Variants in ITGB3BP observed in about 807,000 individuals in gnomAD.
The protein encoded by ITGB3BP is centromere protein R.
A neutral mutation model predicts 29.1 loss-of-function variants in ITGB3BP; 27 were observed. That is an observed-to-expected ratio of 0.93 (90% CI 0.68 to 1.28). The LOEUF (loss-of-function observed/expected upper bound fraction) is 1.28, where lower values mean the gene tolerates loss of function less well. ITGB3BP is among the 50% of genes most tolerant of loss of function. ITGB3BP has a pLI of 0.00. For missense variants in ITGB3BP, 192 were observed against 200.2 expected (o/e 0.96, Z 0.25); for synonymous variants, 61 against 61.4 (o/e 0.99, Z 0.03).
At chr1:63,465,140 C>A (rs72918611) in intron 4 of ITGB3BP, among the ~76,000 whole-genome samples, 2 of 152,056 alleles carry the variant, frequency 1.3e-5, no homozygotes, top group African/African-American at 2.4e-5. Context: ...GAAATACACA[C>A]TGAAGGATTT....
intron 4 of ITGB3BP, among the ~76,000 whole-genome samples, chr1:63,472,317 G>A (rs541245888): frequency 2.2e-4 from 33 of 151,436 alleles, no homozygotes; most frequent in Non-Finnish European, 4.0e-4. Flanking sequence ...TCTAGAAGCA[G>A]ATGCCTTGCT....
At chr1:63,490,323 C>T in intron 2 of ITGB3BP, 105 bp from the exon 3 acceptor site, 1 of 733,658 alleles carries the variant, frequency 1.4e-6, no homozygotes, top group East Asian at 2.7e-5. Flanking sequence ...TGTTTCCTTG[C>T]TCTTGCTTTT....
chr1:63,501,653 G>A (rs1244548946), intron 2 of ITGB3BP, among the ~76,000 whole-genome samples: 2 of 151,850 alleles, frequency 1.3e-5, no homozygotes, highest in Non-Finnish European at 2.9e-5. Context: ...GCTTGAGCTC[G>A]GGAGTTTGAG....
At chr1:63,520,560 A>T (rs545118632) in intron 1 of ITGB3BP, among the ~76,000 whole-genome samples, 14 of 152,314 alleles carry the variant, frequency 9.2e-5, no homozygotes, top group African/African-American at 3.4e-4. Context: ...AGGACTTAAG[A>T]TAGGTAATCT....
chr1:63,525,916 G>C (rs1428653093), upstream of ITGB3BP, among the ~76,000 whole-genome samples: 1 of 152,082 alleles, frequency 6.6e-6, no homozygotes, highest in East Asian at 1.9e-4. Flanking sequence ...ATATCATATA[G>C]TTACATATTC....
chr1:63,492,300 A>C (rs1645669908), intron 2 of ITGB3BP, among the ~76,000 whole-genome samples: 1 of 151,986 alleles, frequency 6.6e-6, no homozygotes, highest in Admixed American at 6.6e-5. Flanking sequence ...TTAAAAAGAA[A>C]AATGTCTATC....
intron 2 of ITGB3BP, among the ~76,000 whole-genome samples, chr1:63,507,417 C>T (rs778144850): frequency 2.2e-4 from 34 of 152,078 alleles, no homozygotes; most frequent in Non-Finnish European, 4.0e-4. Flanking sequence ...ATGAAGAGAA[C>T]GGGTTCTGAA....
At chr1:63,502,098 T>C (rs1399527610) in intron 2 of ITGB3BP, among the ~76,000 whole-genome samples, 1 of 152,156 alleles carries the variant, frequency 6.6e-6, no homozygotes, top group Non-Finnish European at 1.5e-5. Context: ...TATGGCCAGG[T>C]AGCCAGTTGT....
intron 2 of ITGB3BP, among the ~76,000 whole-genome samples, chr1:63,498,656 G>C (rs1180888524): frequency 1.5e-5 from 2 of 137,484 alleles, no homozygotes; most frequent in African/African-American, 5.4e-5. Context: ...ACCAGAAAAA[G>C]AAAAGCAAAC....
At chr1:63,441,850 T>C (rs3009575) in intron 8 of ITGB3BP, among the ~76,000 whole-genome samples, 92,030 of 151,940 alleles carry the variant, frequency 0.61, 29,632 homozygotes, top group African/African-American at 0.82. Context: ...AGCCTTAGAA[T>C]CCTTCTGTGA....
chr1:63,518,258 T>A (rs1029347392), intron 1 of ITGB3BP, among the ~76,000 whole-genome samples: 4 of 152,336 alleles, frequency 2.6e-5, no homozygotes, highest in Non-Finnish European at 5.9e-5. Context: ...TGAAATCGTC[T>A]GGGTCTTTGT....
At chr1:63,442,013 C>T (rs762502223) in intron 8 of ITGB3BP, among the ~76,000 whole-genome samples, 4 of 152,124 alleles carry the variant, frequency 2.6e-5, no homozygotes, top group Non-Finnish European at 5.9e-5. Flanking sequence ...TGCTTGAGCC[C>T]AGGAGGTCAA....
intron 4 of ITGB3BP, among the ~76,000 whole-genome samples, chr1:63,472,678 T>G (rs1407466964): frequency 6.6e-6 from 1 of 151,192 alleles, no homozygotes; most frequent in East Asian, 2.0e-4. Context: ...GGTTTTGCTG[T>G]GTTGGCCGGG....
upstream of ITGB3BP, among the ~76,000 whole-genome samples, chr1:63,526,794 T>C (rs1460870579): frequency 6.6e-6 from 1 of 152,204 alleles, no homozygotes; most frequent in Non-Finnish European, 1.5e-5. Flanking sequence ...AGACGGAGTC[T>C]TGCTCTGTCT....
chr1:63,510,085 A>AGG lies in ITGB3BP; in HGVS notation c.6-1516_6-1515insCC. 6 of 616,848 alleles carry AGG rather than the reference A, an allele frequency of 9.7e-6. No individual in the cohort carries two copies. The South Asian group carries it at 1.1e-4, about 11-fold the overall frequency. The allele number at this position is 616,848 out of a possible 1,614,324, so 38.2% of individuals were successfully genotyped here. A position where few individuals can be genotyped will look rare whatever the true frequency, so the allele number is the denominator to read the frequency against. On this transcript the variant is annotated intron_variant, in intron 1 of 8. Transcript: ENST00000271002. ...CGTGCCTGTAATCCCAACTACTCCC[A>AGG]AGGCTGAGGCAGGAGAATCGCTTGA...
At chr1:63,511,436 A>G (rs1646197464) in intron 1 of ITGB3BP, among the ~76,000 whole-genome samples, 1 of 152,132 alleles carries the variant, frequency 6.6e-6, no homozygotes, top group South Asian at 2.1e-4. Context: ...CCATGATTCC[A>G]CTTCCAAAAA....
chr1:63,521,399 T>C (rs149461032), intron 1 of ITGB3BP, among the ~76,000 whole-genome samples: 10 of 151,212 alleles, frequency 6.6e-5, no homozygotes, highest in African/African-American at 1.7e-4. Context: ...AAGTAATTGC[T>C]AGTTTCACAT....
intron 4 of ITGB3BP, among the ~76,000 whole-genome samples, chr1:63,472,642 CGTT>C (rs1645224310): frequency 6.7e-6 from 1 of 150,366 alleles, no homozygotes; most frequent in Non-Finnish European, 1.5e-5. Flanking sequence ...GATTGGTTTT[CGTT>C]TTTTTTTTTT....
intron 3 of ITGB3BP, 151 bp from the exon 4 acceptor site, chr1:63,478,984 T>C: frequency 2.7e-6 from 1 of 376,708 alleles, no homozygotes; most frequent in Non-Finnish European, 4.7e-6. Flanking sequence ...TTTGTTTTTT[T>C]TCATTTCCCA....
Sources: allele counts gnomAD v4.1 joint callset (sites outside exome capture counted in the v4.1 genomes callset), GRCh38; gene constraint gnomAD v4.1.1; transcripts MANE v1.5; gene names NCBI Gene and HGNC (gene_info 2026-07-23, HGNC 2026-07-21).